Variants in SNTG2 observed in about 807,000 individuals in gnomAD.
SNTG2 encodes the protein syntrophin gamma 2, also known as gamma-2-syntrophin.
A neutral mutation model predicts 70.9 loss-of-function variants in SNTG2; 74 were observed. The ratio of observed to expected loss-of-function variants is 1.04; its 90% CI spans 0.86 to 1.27. SNTG2 has a LOEUF of 1.27. SNTG2 is among the 50% of genes most tolerant of loss of function. The pLI, the probability that SNTG2 is intolerant of heterozygous loss-of-function variation, is 0.00. For missense variants in SNTG2, 717 were observed against 690.7 expected, an observed-to-expected ratio of 1.04 and a Z score of -0.43; for synonymous variants, 278 against 273.8, an observed-to-expected ratio of 1.02 and a Z score of -0.15.
intron 14 of SNTG2, among the ~76,000 whole-genome samples, chr2:1,270,633 T>A (rs900964169): frequency 2.4e-4 from 37 of 152,294 alleles, no homozygotes; most frequent in African/African-American, 8.4e-4. Flanking sequence ...GCCTCACATG[T>A]GACAGAAACA....
At chr2:987,387 G>T (rs992804963) in intron 1 of SNTG2, among the ~76,000 whole-genome samples, 1 of 152,184 alleles carries the variant, frequency 6.6e-6, no homozygotes, top group Non-Finnish European at 1.5e-5. Flanking sequence ...CTTCCGCAGA[G>T]GTGGGTCTGT....
At chr2:1,020,849 T>C (rs948104146) in intron 1 of SNTG2, among the ~76,000 whole-genome samples, 5 of 152,178 alleles carry the variant, frequency 3.3e-5, no homozygotes, top group Non-Finnish European at 4.4e-5. Flanking sequence ...TTTTTGCCAA[T>C]AGTAACTGTT....
intron 14 of SNTG2, among the ~76,000 whole-genome samples, chr2:1,271,705 G>A (rs1423061283): frequency 1.3e-5 from 2 of 152,092 alleles, no homozygotes; most frequent in African/African-American, 2.4e-5. Context: ...CATTCATGTC[G>A]GTGTTCAGGG....
At chr2:1,174,488 A>G (rs1671342909) in intron 8 of SNTG2, among the ~76,000 whole-genome samples, 1 of 152,024 alleles carries the variant, frequency 6.6e-6, no homozygotes, top group African/African-American at 2.4e-5. Context: ...TTGTTTTTCT[A>G]GTTTATCATC....
intron 4 of SNTG2, among the ~76,000 whole-genome samples, chr2:1,130,768 T>C (rs1212834695): frequency 6.6e-6 from 1 of 152,210 alleles, no homozygotes; most frequent in African/African-American, 2.4e-5. Context: ...AAACTCTGTG[T>C]AGAGAAGCAT....
chr2:1,295,646 G>T (rs1680170619), intron 14 of SNTG2, among the ~76,000 whole-genome samples: 1 of 152,068 alleles, frequency 6.6e-6, no homozygotes, highest in Admixed American at 6.5e-5. Context: ...CCATGTTGGG[G>T]TACGAGGGTC....
rs947328364 is a variant in SNTG2 at position 951,077 on chromosome 2, G to A, written c.72+9G>A. 2.2e-5 allele frequency: 27 copies of A among 1,246,478 alleles called. No individual in the cohort carries two copies. The Admixed American group carries it at 4.6e-4, about 21-fold the overall frequency. The allele number at this position is 1,246,478 out of a possible 1,614,324, so 77.2% of individuals were successfully genotyped here. A position where few individuals can be genotyped will look rare whatever the true frequency, so the allele number is the denominator to read the frequency against. On this transcript the variant is annotated intron_variant, in intron 1 of 16. Coordinates refer to ENST00000308624, the MANE Select transcript of SNTG2 (RefSeq NM_018968.4). ...TGCTGGTACCTGCGCGGGTGAGTGC[G>A]GCCCCTCAGCGCCCCTTCACCTCCG...
At chr2:1,114,582 C>A (rs1021240433) in intron 4 of SNTG2, among the ~76,000 whole-genome samples, 1 of 148,790 alleles carries the variant, frequency 6.7e-6, no homozygotes, top group South Asian at 2.1e-4. Context: ...CCCTTAGAGT[C>A]CTTTGAGGAG....
At chr2:1,222,529 C>CCCGGGCACTGATCTTGTG (rs1675359649) in intron 9 of SNTG2, among the ~76,000 whole-genome samples, 2 of 103,440 alleles carry the variant, frequency 1.9e-5, no homozygotes, top group East Asian at 6.1e-4. Flanking sequence ...CTGCCTGCTG[C>CCCGGGCACTGATCTTGTG]TGGAGGTGCT....
intron 8 of SNTG2, among the ~76,000 whole-genome samples, chr2:1,186,261 C>T (rs562530926): frequency 1.3e-5 from 2 of 152,276 alleles, no homozygotes; most frequent in East Asian, 1.9e-4. Flanking sequence ...TCACTATCAG[C>T]ATTTTGGTCA....
Position 1,346,220 on chromosome 2 carries a change from TTC to T in SNTG2, c.1489-21122_1489-21121del, listed in dbSNP as rs1324169003. On this transcript the variant is annotated intron_variant, in intron 16 of 16. Transcript: ENST00000308624. ...GCATAGGAAGAGTGGACTGGCACTT[TTC>T]CCCCTGTTCTGGGCACGCCTGGCCC... is the stretch of plus-strand genomic sequence containing the variant. 6.5e-4 allele frequency among the ~76,000 whole-genome samples: 71 copies of T among 109,198 alleles called. 8 individuals carry two copies. Among genetic ancestry groups the T allele is most frequent in the African/African-American group, 2.8e-3 (71 of 25,786 alleles). The allele number at this position is 109,198 out of a possible 152,430, so 71.6% of individuals were successfully genotyped here. A position where few individuals can be genotyped will look rare whatever the true frequency, so the allele number is the denominator to read the frequency against.
chr2:1,330,418 C>T (rs1659463663), intron 16 of SNTG2, among the ~76,000 whole-genome samples: 1 of 152,106 alleles, frequency 6.6e-6, no homozygotes, highest in Non-Finnish European at 1.5e-5. Flanking sequence ...GAGACTATGG[C>T]AAAGACATGA....
intron 1 of SNTG2, among the ~76,000 whole-genome samples, chr2:1,061,940 A>G (rs953127001): frequency 6.6e-6 from 1 of 152,254 alleles, no homozygotes; most frequent in African/African-American, 2.4e-5. Flanking sequence ...AAATGAATAT[A>G]TACTATAAAT....
chr2:1,016,733 A>T (rs1210166142), intron 1 of SNTG2, among the ~76,000 whole-genome samples: 1 of 152,210 alleles, frequency 6.6e-6, no homozygotes, highest in Non-Finnish European at 1.5e-5. Flanking sequence ...TGGCTCTGAG[A>T]CATTTGACTG....
intron 16 of SNTG2, among the ~76,000 whole-genome samples, chr2:1,325,895 G>A (rs2148277594): frequency 6.6e-6 from 1 of 151,968 alleles, no homozygotes; most frequent in African/African-American, 2.4e-5. Flanking sequence ...ATGCAGTGGT[G>A]TGATCTCAGC....
chr2:1,367,245 C>T, intron 16 of SNTG2, 98 bp from the exon 17 acceptor site: 1 of 1,192,810 alleles, frequency 8.4e-7, no homozygotes, highest in Non-Finnish European at 1.1e-6. Context: ...TTTGGAGGGA[C>T]TTTCTTGGAG....
At chr2:1,061,358 A>G (rs764708986) in intron 1 of SNTG2, among the ~76,000 whole-genome samples, 11 of 152,216 alleles carry the variant, frequency 7.2e-5, no homozygotes, top group Non-Finnish European at 1.5e-4. Flanking sequence ...ATCATGATCA[A>G]TGGGGTCACA....
chr2:1,185,274 C>T (rs1182415225), intron 8 of SNTG2, among the ~76,000 whole-genome samples: 5 of 152,204 alleles, frequency 3.3e-5, no homozygotes, highest in Non-Finnish European at 7.3e-5. Flanking sequence ...CAAAGACTGG[C>T]GTTGAGTGCC....
intron 9 of SNTG2, among the ~76,000 whole-genome samples, chr2:1,218,510 C>T (rs1057083825): frequency 3.9e-5 from 6 of 152,244 alleles, no homozygotes; most frequent in Non-Finnish European, 7.3e-5. Context: ...TGTTCTTCCA[C>T]ATGGTACCGT....
Sources: gnomAD v4.1 joint callset for allele counts (sites outside exome capture counted in the v4.1 genomes callset) on GRCh38, gnomAD v4.1.1 for gene constraint, MANE v1.5 for transcripts, NCBI Gene and HGNC (gene_info 2026-07-23, HGNC 2026-07-21) for gene names.